ANXA8: variants seen among roughly 807,000 people sequenced by gnomAD.
The protein encoded by ANXA8 is VAC-beta.
ANXA8 carries 9 observed loss-of-function variants against 26.8 expected under a neutral mutation model. The observed-to-expected ratio is 0.34, with a 90% confidence interval of 0.20 to 0.59. ANXA8 has a LOEUF of 0.59. ANXA8 is among the 20% of genes least tolerant of loss of function. ANXA8 has a pLI of 0.84. For missense variants in ANXA8, 83 were observed against 238.5 expected (o/e 0.35, Z 4.29); for synonymous variants, 39 against 94.8 (o/e 0.41, Z 3.42).
the ANXA8 span, among the ~76,000 whole-genome samples, chr10:47,648,046 A>G: frequency 2.6e-5 from 4 of 152,008 alleles, no homozygotes; most frequent in Non-Finnish European, 5.9e-5. Context: ...AGGGAGAGAT[A>G]TGTTCCAACT....
At chr10:47,559,398 G>C in the ANXA8 span, among the ~76,000 whole-genome samples, 1 of 151,640 alleles carries the variant, frequency 6.6e-6, no homozygotes, top group African/African-American at 2.4e-5. Context: ...AAAGTGCTGG[G>C]ATTATAGGCG....
At chr10:47,547,414 G>C in the ANXA8 span, among the ~76,000 whole-genome samples, 1 of 135,388 alleles carries the variant, frequency 7.4e-6, no homozygotes, top group African/African-American at 2.7e-5. Flanking sequence ...GTGTTTATAT[G>C]TATCTGGAAG....
At chr10:47,559,190 C>T in the ANXA8 span, among the ~76,000 whole-genome samples, 1 of 124,398 alleles carries the variant, frequency 8.0e-6, no homozygotes, top group African/African-American at 3.2e-5. Context: ...CTCAAACCGT[C>T]GCCCAGGCTG....
At chr10:47,697,017 T>C in the ANXA8 span, among the ~76,000 whole-genome samples, 4 of 151,860 alleles carry the variant, frequency 2.6e-5, no homozygotes, top group Non-Finnish European at 5.9e-5. Flanking sequence ...GCTATCTTTC[T>C]TCTTTAATGT....
At chr10:47,501,338 C>T in the ANXA8 span, among the ~76,000 whole-genome samples, 3 of 144,086 alleles carry the variant, frequency 2.1e-5, no homozygotes, top group African/African-American at 2.6e-5. Context: ...TGAGCCACTG[C>T]GCCCAGCCTA....
At chr10:47,896,625 G>A in the ANXA8 span, among the ~76,000 whole-genome samples, 9 of 151,262 alleles carry the variant, frequency 5.9e-5, no homozygotes, top group Non-Finnish European at 1.2e-4. Flanking sequence ...CTTTGGGAGC[G>A]GGCACTTGAG....
the ANXA8 span, among the ~76,000 whole-genome samples, chr10:47,747,002 A>C: frequency 7.7e-5 from 10 of 130,648 alleles, no homozygotes; most frequent in African/African-American, 2.9e-4. Flanking sequence ...GAAAGGCTGA[A>C]TAAAACACAG....
At chr10:47,630,365 A>G in the ANXA8 span, among the ~76,000 whole-genome samples, 1 of 149,914 alleles carries the variant, frequency 6.7e-6, no homozygotes, top group Non-Finnish European at 1.5e-5. Flanking sequence ...AATAATTTGT[A>G]TTACATTTTA....
the ANXA8 span, among the ~76,000 whole-genome samples, chr10:47,645,144 T>C: frequency 2.6e-5 from 4 of 151,174 alleles, no homozygotes; most frequent in Non-Finnish European, 5.9e-5. Flanking sequence ...TGTCTAATAA[T>C]TAACACTAGA....
the ANXA8 span, among the ~76,000 whole-genome samples, chr10:47,648,184 A>G: frequency 7.9e-5 from 12 of 150,952 alleles, no homozygotes; most frequent in African/African-American, 2.5e-4. Context: ...ACAAACAGGA[A>G]AAGGAGATCT....
At chr10:47,727,443 C>T in the ANXA8 span, among the ~76,000 whole-genome samples, 3 of 152,162 alleles carry the variant, frequency 2.0e-5, no homozygotes, top group Non-Finnish European at 4.4e-5. Flanking sequence ...TCTGTGATTG[C>T]TTTATCTTTC....
chr10:47,543,574 T>C, the ANXA8 span: 2 of 500,006 alleles, frequency 4.0e-6, no homozygotes, highest in East Asian at 5.6e-5. Flanking sequence ...ATCTTTGAAG[T>C]GTGCTCCTCT....
chr10:47,945,089 T>C, the ANXA8 span, among the ~76,000 whole-genome samples: 632 of 145,754 alleles, frequency 4.3e-3, 2 homozygotes, highest in African/African-American at 0.017. Flanking sequence ...TGGGATGCTC[T>C]TGCTGACCCC....
chr10:47,732,667 C>T, the ANXA8 span, among the ~76,000 whole-genome samples: 2 of 134,806 alleles, frequency 1.5e-5, no homozygotes, highest in African/African-American at 2.8e-5. Flanking sequence ...TTTCTAACAG[C>T]GTTAGAGGCA....
At chr10:47,733,171 T>TTCTTTCTTTCTCTCTCTCTCTC in the ANXA8 span, among the ~76,000 whole-genome samples, 5 of 100,900 alleles carry the variant, frequency 5.0e-5, no homozygotes, top group African/African-American at 1.6e-4. Flanking sequence ...CTTTCTTTCT[T>TTCTTTCTTTCTCTCTCTCTCTC]TCTTTCTTTC....
the ANXA8 span, among the ~76,000 whole-genome samples, chr10:47,693,525 C>G: frequency 6.6e-6 from 1 of 151,482 alleles, no homozygotes; most frequent in Non-Finnish European, 1.5e-5. Context: ...ATCCTCACCT[C>G]GTGATCCGCC....
chr10:47,502,091 G>A, the ANXA8 span: 323 of 1,570,208 alleles, frequency 2.1e-4, 4 homozygotes, highest in African/African-American at 4.0e-3. Flanking sequence ...GCACTCGTCG[G>A]GGCAGCCGTA....
At chr10:47,766,140 C>T in the ANXA8 span, among the ~76,000 whole-genome samples, 3 of 129,444 alleles carry the variant, frequency 2.3e-5, no homozygotes, top group Non-Finnish European at 4.9e-5. Context: ...AGCTTGGCAT[C>T]GCCACTATCC....
the ANXA8 span, among the ~76,000 whole-genome samples, chr10:47,765,879 A>G: frequency 8.1e-5 from 12 of 147,806 alleles, no homozygotes; most frequent in Non-Finnish European, 1.8e-4. Context: ...CTGCGTATGC[A>G]CTGGGCTCTC....
Sources: gnomAD v4.1 joint callset for allele counts (sites outside exome capture counted in the v4.1 genomes callset) on GRCh38, gnomAD v4.1.1 for gene constraint, MANE v1.5 for transcripts, NCBI Gene and HGNC (gene_info 2026-07-23, HGNC 2026-07-21) for gene names.